The following CABIN1 variants were observed in gnomAD, a reference collection of about 807,000 sequenced individuals.
The protein encoded by CABIN1 is calcineurin-binding protein cabin-1.
A neutral mutation model predicts 227.7 loss-of-function variants in CABIN1; 133 were observed. The ratio of observed to expected loss-of-function variants is 0.58; its 90% CI spans 0.51 to 0.67. CABIN1 has a LOEUF of 0.67. Ranked by LOEUF, CABIN1 falls within the 30% of genes least tolerant of loss-of-function variation. The pLI, the probability that CABIN1 is intolerant of heterozygous loss-of-function variation, is 0.00. For synonymous variants in CABIN1, 1,086 were observed against 1,155.1 expected (o/e 0.94, Z 1.21); for missense variants, 2,408 against 2,852.5 (o/e 0.84, Z 3.55).
intron 26 of CABIN1, among the ~76,000 whole-genome samples, chr22:24,106,432 C>T (rs2042521035): frequency 6.6e-6 from 1 of 152,242 alleles, no homozygotes; most frequent in South Asian, 2.1e-4. Flanking sequence ...GGGGGTGGCT[C>T]TGGGTTACAC....
intron 14 of CABIN1, 75 bp downstream of exon 14, chr22:24,063,221 A>G: frequency 6.8e-7 from 1 of 1,469,914 alleles, no homozygotes; most frequent in Non-Finnish European, 9.5e-7. Context: ...GACCATGTTG[A>G]GGGTGTGTGT....
Position 24,059,983 on chromosome 22 carries a change from CTGA to C in CABIN1, c.1465_1467del (p.Met489del). On this transcript the variant is annotated inframe_deletion, in exon 12 of 37. Coordinates refer to ENST00000263119, the MANE Select transcript of CABIN1 (RefSeq NM_012295.4). ...CCTAACCAACGGGGGCATCCTGGAG[CTGA>C]TGATGCGCTACCTGAAAGCCATGGG... is the stretch of plus-strand genomic sequence containing the variant. 1 of 1,614,230 alleles carries C rather than the reference CTGA, an allele frequency of 6.2e-7. No individual in the cohort carries two copies. The highest frequency in any genetic ancestry group is 8.5e-7 in the Non-Finnish European group (1 of 1,180,038).
chr22:24,163,091 C>T (rs934844589), intron 29 of CABIN1, among the ~76,000 whole-genome samples: 2 of 152,154 alleles, frequency 1.3e-5, no homozygotes, highest in Non-Finnish European at 2.9e-5. Context: ...ATGTTTGCTG[C>T]CCTGGATGTG....
At chr22:24,077,537 T>G (rs2040526412) in intron 19 of CABIN1, among the ~76,000 whole-genome samples, 1 of 152,328 alleles carries the variant, frequency 6.6e-6, no homozygotes, top group Admixed American at 6.5e-5. Context: ...CAGCTCCAGA[T>G]GCCTGAATGT....
intron 4 of CABIN1, among the ~76,000 whole-genome samples, chr22:24,038,934 AC>A (rs1280274306): frequency 6.6e-6 from 1 of 152,212 alleles, no homozygotes; most frequent in Non-Finnish European, 1.5e-5. Context: ...GTCTGTATAG[AC>A]ATGCCATGCA....
chr22:24,115,154 C>T (rs2043013192), intron 27 of CABIN1, among the ~76,000 whole-genome samples: 1 of 152,164 alleles, frequency 6.6e-6, no homozygotes, highest in South Asian at 2.1e-4. Context: ...CAAGTAAGAC[C>T]TACCATGTGT....
intron 16 of CABIN1, 63 bp from the exon 17 acceptor site, chr22:24,070,737 C>A: frequency 6.2e-7 from 1 of 1,612,570 alleles, no homozygotes; most frequent in South Asian, 1.1e-5. Flanking sequence ...TGTCTCTGCT[C>A]AGGCCTTGGG....
chr22:24,141,243 A>G (rs980769299), intron 29 of CABIN1, among the ~76,000 whole-genome samples: 1 of 152,184 alleles, frequency 6.6e-6, no homozygotes, highest in South Asian at 2.1e-4. Flanking sequence ...TGGTGGCCTT[A>G]GCCGTCACAC....
chr22:24,178,497 C>G lies in CABIN1; in HGVS notation c.*301C>G, dbSNP rs1306326405. 2.3e-6 allele frequency: 1 copy of G among 437,780 alleles called. No homozygotes were observed. Among genetic ancestry groups the G allele is most frequent in the Non-Finnish European group, 4.3e-6 (1 of 234,226 alleles). 27.1% of individuals were successfully genotyped at this position (437,780 alleles called of 1,614,324 possible). Reference sequence around the variant, plus strand: ...GTTGACTTTGTAAATCTGCCCACACCCAGCTGGCCATATCCACCCCTCGAC... The same window carrying G: ...GTTGACTTTGTAAATCTGCCCACACGCAGCTGGCCATATCCACCCCTCGAC... On this transcript the variant is annotated 3_prime_UTR_variant, in exon 37 of 37. Coordinates refer to ENST00000263119, the MANE Select transcript of CABIN1 (RefSeq NM_012295.4).
intron 19 of CABIN1, 116 bp downstream of exon 19, chr22:24,076,400 A>T: frequency 1.3e-6 from 1 of 781,404 alleles, no homozygotes; most frequent in Non-Finnish European, 2.2e-6. Context: ...GCCTTCCCTC[A>T]GTGGGCCCAC....
rs149301018 is a variant in CABIN1 at position 24,177,368 on chromosome 22, G to C, written c.6206-136G>C. 120 of 775,762 alleles carry C rather than the reference G, an allele frequency of 1.5e-4. 1 individual carries two copies. The African/African-American group carries it at 1.8e-3, about 12-fold the overall frequency. 48.1% of individuals were successfully genotyped at this position (775,762 alleles called of 1,614,324 possible). ...AGCCAAGTATTTGCCCAGGGTAGAA[G>C]CCTTGGAGCCTGCCAGCCAGCACAA... is the stretch of plus-strand genomic sequence containing the variant. On this transcript the variant is annotated intron_variant, in intron 35 of 36. Transcript: ENST00000263119. This position sits in a 1 kb window ranked among gnomAD's most constrained non-coding sequence, Gnocchi z 4.4.
chr22:24,055,992 A>G (rs974234963), intron 9 of CABIN1, among the ~76,000 whole-genome samples, 200 bp from the exon 10 acceptor site: 11 of 152,208 alleles, frequency 7.2e-5, no homozygotes, highest in African/African-American at 2.7e-4. Context: ...CTGTGAAGTC[A>G]AGAAAGGTGT....
At chr22:24,076,423 A>C in intron 19 of CABIN1, 139 bp downstream of exon 19, 1 of 715,696 alleles carries the variant, frequency 1.4e-6, no homozygotes, top group Non-Finnish European at 2.5e-6. Context: ...TGTGTCTTTG[A>C]CTTACTGCAT....
chr22:24,165,364 C>T (rs140329932), intron 30 of CABIN1, among the ~76,000 whole-genome samples, 166 bp from the exon 31 acceptor site: 1 of 152,216 alleles, frequency 6.6e-6, no homozygotes, highest in Non-Finnish European at 1.5e-5. Context: ...ATAGAGGGAG[C>T]TCAGGGGAAG....
At chr22:24,134,015 G>C (rs992576625) in intron 28 of CABIN1, among the ~76,000 whole-genome samples, 4 of 152,252 alleles carry the variant, frequency 2.6e-5, no homozygotes, top group African/African-American at 2.4e-5. Context: ...TGGCAGGTTT[G>C]TAGGGTTGGT....
chr22:24,166,643 C>G lies in CABIN1; in HGVS notation c.5012C>G (p.Ser1671Ter). ...TTACCTTTGGTTTCTTTGTAGGGGTCAGAACGCCCAGGGCCCAAGGTCTGT... is the reference window on the plus strand; with the variant it reads ...TTACCTTTGGTTTCTTTGTAGGGGTGAGAACGCCCAGGGCCCAAGGTCTGT... ...EDTLSELAEG[S>*]ERPGPKVCGL... Residue 1671 changes from serine (S) to a stop codon, truncating the protein, a stop_gained, in exon 32 of 37, where the codon TCA (serine) becomes TGA (stop). Transcript: ENST00000263119. LOFTEE classifies it high-confidence loss of function. 6.2e-7 allele frequency: 1 copy of G among 1,612,784 alleles called. No individual in the cohort carries two copies. Among genetic ancestry groups the G allele is most frequent in the Non-Finnish European group, 8.5e-7 (1 of 1,179,948 alleles).
chr22:24,126,386 A>G (rs1293596036), intron 28 of CABIN1, among the ~76,000 whole-genome samples: 1 of 152,214 alleles, frequency 6.6e-6, no homozygotes, highest in East Asian at 1.9e-4. Context: ...GGGAGCCCTG[A>G]TGGCCACGAG....
intron 22 of CABIN1, among the ~76,000 whole-genome samples, chr22:24,086,463 C>T (rs1033658057): frequency 4.6e-5 from 7 of 152,240 alleles, no homozygotes; most frequent in South Asian, 2.1e-4. Context: ...CGTGGTCTCC[C>T]GTGGGATTGG....
chr22:24,108,681 A>G (rs2042646519), intron 26 of CABIN1, among the ~76,000 whole-genome samples: 1 of 152,204 alleles, frequency 6.6e-6, no homozygotes. Context: ...ACTGTCCCCA[A>G]ACCCTGGTAT....
Sources: gnomAD v4.1 joint callset for allele counts (sites outside exome capture counted in the v4.1 genomes callset) on GRCh38, gnomAD v4.1.1 for gene constraint, Gnocchi (gnomAD v3.1) non-coding constraint, MANE v1.5 for transcripts, NCBI Gene and HGNC (gene_info 2026-07-23, HGNC 2026-07-21) for gene names.